The following ZNF695 variants were observed in gnomAD, a reference collection of about 807,000 sequenced individuals.
ZNF695 encodes the protein zinc finger protein 695.
A neutral mutation model predicts 11.2 loss-of-function variants in ZNF695; 11 were observed. The observed-to-expected ratio is 0.98, with a 90% confidence interval of 0.62 to 1.62. The LOEUF (loss-of-function observed/expected upper bound fraction) is 1.62. ZNF695 is among the 40% of genes most tolerant of loss of function. ZNF695 has a pLI of 0.00. For missense variants in ZNF695, 559 were observed against 590.5 expected (o/e 0.95, Z 0.55); for synonymous variants, 190 against 201.4 (o/e 0.94, Z 0.48).
chr1:246,999,910 A>G lies in ZNF695; in HGVS notation c.166+2T>C. On this transcript the variant is annotated splice_donor_variant, in intron 2 of 3. Transcript: ENST00000339986. LOFTEE classifies it high-confidence loss of function. Reference sequence around the variant, plus strand: ...TACAAAGGAAAAAGATGAAATCCTTACTGTGAAATAGGAATTGCATATTGA... The same window carrying G: ...TACAAAGGAAAAAGATGAAATCCTTGCTGTGAAATAGGAATTGCATATTGA... The G allele has an allele frequency of 6.2e-7, 1 of 1,613,630 alleles. No homozygotes were observed. The highest frequency in any genetic ancestry group is 1.7e-5 in the Admixed American group (1 of 59,934).
rs1200510219 is a variant in ZNF695, at chr1:246,974,632, GTAA to G, written c.391-6843_391-6841del. 2.0e-5 allele frequency among the ~76,000 whole-genome samples: 3 copies of G among 152,302 alleles called. No individual in the cohort carries two copies. In the East Asian group the frequency reaches 5.8e-4, roughly 29 times the overall value. On this transcript the variant is annotated intron_variant, in intron 4 of 5. Transcript: ENST00000487338. ...AAAAGAGAGTGGGCATAATGGAAGA[GTAA>G]TACTCAGGTGAGAGGGAGAGAAGGA...
intron 4 of ZNF695, among the ~76,000 whole-genome samples, chr1:246,976,812 A>G (rs1036776035): frequency 6.6e-6 from 1 of 152,190 alleles, no homozygotes; most frequent in Admixed American, 6.5e-5. Flanking sequence ...AAATAAATAA[A>G]TAAATAACAC....
At chr1:246,996,439 T>TA (rs1166777309) in intron 3 of ZNF695, among the ~76,000 whole-genome samples, 1 of 151,904 alleles carries the variant, frequency 6.6e-6, no homozygotes, top group Non-Finnish European at 1.5e-5. Context: ...ACCCCACAAA[T>TA]AATGGAATAT....
At chr1:246,949,998 CTT>C (rs1438785298) in intron 5 of ZNF695, among the ~76,000 whole-genome samples, 2 of 152,090 alleles carry the variant, frequency 1.3e-5, no homozygotes, top group Non-Finnish European at 2.9e-5. Flanking sequence ...ATATTTGTGT[CTT>C]TATTTTTAAA....
intron 5 of ZNF695, among the ~76,000 whole-genome samples, chr1:246,947,614 G>A (rs186827176): frequency 6.6e-6 from 1 of 152,030 alleles, no homozygotes; most frequent in African/African-American, 2.4e-5. Flanking sequence ...ATTGTTTCTG[G>A]GACACTGTGA....
rs1319788165 is a variant in ZNF695 at position 246,964,540 on chromosome 1, T to C, written c.488+3155A>G. 6.2e-4 allele frequency among the ~76,000 whole-genome samples: 94 copies of C among 152,252 alleles called. 1 individual carries two copies. Among genetic ancestry groups the C allele is most frequent in the Non-Finnish European group, 1.3e-4 (9 of 68,046 alleles). ...AAAGGACTGGAGACAAATATTGCTA[T>C]GGTTTGAATGTTTGTCTCTTCAGAA... On this transcript the variant is annotated intron_variant, in intron 5 of 5. Coordinates refer to the ZNF695 transcript ENST00000487338.
intron 5 of ZNF695, among the ~76,000 whole-genome samples, chr1:246,962,591 C>CT (rs1237927976): frequency 6.6e-6 from 1 of 152,146 alleles, no homozygotes; most frequent in African/African-American, 2.4e-5. Context: ...GTGGGGCTGG[C>CT]CTCTTCACCT....
chr1:246,966,189 G>T (rs1421911339), intron 5 of ZNF695, among the ~76,000 whole-genome samples: 4 of 152,082 alleles, frequency 2.6e-5, no homozygotes, highest in African/African-American at 7.2e-5. Context: ...GCAAGTGAGA[G>T]AATAAAAGTC....
At chr1:246,954,933 G>A (rs895003784) in intron 5 of ZNF695, among the ~76,000 whole-genome samples, 1 of 152,122 alleles carries the variant, frequency 6.6e-6, no homozygotes, top group African/African-American at 2.4e-5. Flanking sequence ...GTAAGGCCTT[G>A]ATATGGTTTG....
chr1:246,979,104 C>T (rs984278202), intron 4 of ZNF695, among the ~76,000 whole-genome samples: 1 of 152,158 alleles, frequency 6.6e-6, no homozygotes, highest in Non-Finnish European at 1.5e-5. Flanking sequence ...GTAACCTAGG[C>T]TAGGATCTAA....
downstream of ZNF695, among the ~76,000 whole-genome samples, chr1:246,984,100 C>T (rs555345530): frequency 6.0e-4 from 83 of 137,794 alleles, 1 homozygote; most frequent in Middle Eastern, 8.9e-3. Context: ...TGCAGTAATC[C>T]GAGATTACAC....
intron 1 of ZNF695, among the ~76,000 whole-genome samples, chr1:247,002,078 T>G (rs1669403497): frequency 6.6e-6 from 1 of 152,064 alleles, no homozygotes; most frequent in Admixed American, 6.6e-5. Flanking sequence ...ATCAACCACA[T>G]GCTTGGCCAT....
chr1:246,974,218 C>T (rs1164824113), intron 4 of ZNF695, among the ~76,000 whole-genome samples: 1 of 151,790 alleles, frequency 6.6e-6, no homozygotes, highest in East Asian at 1.9e-4. Flanking sequence ...AAAAAGAACC[C>T]ACAGAGCTTG....
intron 5 of ZNF695, among the ~76,000 whole-genome samples, chr1:246,955,364 T>C (rs115392370): frequency 0.01 from 1,581 of 152,316 alleles, 23 homozygotes; most frequent in African/African-American, 0.036. Flanking sequence ...GATAGAAATT[T>C]TTCAGCTCTA....
intron 5 of ZNF695, among the ~76,000 whole-genome samples, chr1:246,949,600 G>GA (rs71498940): frequency 1.9e-3 from 248 of 131,552 alleles, no homozygotes; most frequent in Middle Eastern, 7.5e-3. Context: ...CAAAAAAAAA[G>GA]AAAAAAAAAA....
intron 5 of ZNF695, among the ~76,000 whole-genome samples, chr1:246,964,355 G>A (rs1668235942): frequency 6.6e-6 from 1 of 152,020 alleles, no homozygotes; most frequent in African/African-American, 2.4e-5. Context: ...CCACCAAGAG[G>A]TGCCCCATGA....
chr1:246,974,043 A>AT (rs1289098111), intron 4 of ZNF695, among the ~76,000 whole-genome samples: 1 of 151,792 alleles, frequency 6.6e-6, no homozygotes, highest in Non-Finnish European at 1.5e-5. Context: ...AGTATTAAGT[A>AT]TTTTTTCATA....
At position 246,987,715 on chromosome 1, in the gene ZNF695, GT is replaced by G; in HGVS notation, c.799del (p.Thr267ProfsTer101). 6.3e-7 allele frequency: 1 copy of G among 1,592,646 alleles called. No homozygotes were observed. ...TTTGCCACATTCTTCACATCTGTAG[GT>G]TTTCTTTTCAGTATGATTTTTCTCA... ...VVEKNHTEKK[T>X]YRCEECGKAF... On this transcript the variant is annotated frameshift_variant, in exon 4 of 4. Coordinates refer to ENST00000339986, the MANE Select transcript of ZNF695 (RefSeq NM_020394.5). LOFTEE classifies it low-confidence loss of function (END_TRUNC).
chr1:246,984,809 T>G (rs528973800), downstream of ZNF695, among the ~76,000 whole-genome samples: 182 of 152,358 alleles, frequency 1.2e-3, no homozygotes, highest in African/African-American at 4.3e-3. Context: ...CTTCAGATTA[T>G]TTTTTAAGCA....
Sources: gnomAD v4.1 joint callset for allele counts (sites outside exome capture counted in the v4.1 genomes callset) on GRCh38, gnomAD v4.1.1 for gene constraint, MANE v1.5 for transcripts, NCBI Gene and HGNC (gene_info 2026-07-23, HGNC 2026-07-21) for gene names.